The following TMEM62 variants were observed in gnomAD, a reference collection of about 807,000 sequenced individuals.
TMEM62 encodes the protein transmembrane protein 62.
TMEM62 carries 41 observed loss-of-function variants against 70.4 expected under a neutral mutation model. The observed-to-expected ratio is 0.58, with a 90% CI of 0.45 to 0.76. The LOEUF (loss-of-function observed/expected upper bound fraction) is 0.76. TMEM62 is among the 30% of genes least tolerant of loss of function. The probability of loss-of-function intolerance (pLI) is 0.00; values close to 1 mark genes in which losing one functional copy is unlikely to be tolerated. For synonymous variants in TMEM62, 268 were observed against 291.0 expected, an observed-to-expected ratio of 0.92 and a Z score of 0.80; for missense variants, 688 against 788.5, an observed-to-expected ratio of 0.87 and a Z score of 1.53.
chr15:43,171,741 C>T (rs2040223513), intron 11 of TMEM62, among the ~76,000 whole-genome samples: 2 of 151,170 alleles, frequency 1.3e-5, no homozygotes, highest in Admixed American at 6.6e-5. Flanking sequence ...CATTCTCCTG[C>T]CTCAGCCTCC....
At chr15:43,163,546 G>C (rs989699943) in intron 10 of TMEM62, among the ~76,000 whole-genome samples, 3 of 152,108 alleles carry the variant, frequency 2.0e-5, no homozygotes, top group Admixed American at 1.3e-4. Flanking sequence ...ACTTTGGGAG[G>C]CTGAGGCGGG....
At chr15:43,162,433 C>CTTTTTTTTTTTTTTTTT (rs1169921008) in intron 10 of TMEM62, among the ~76,000 whole-genome samples, 1,554 of 136,652 alleles carry the variant, frequency 0.011, 83 homozygotes, top group African/African-American at 0.043. Context: ...GCCCCTGGCC[C>CTTTTTTTTTTTTTTTTT]TTTTTTTTTT....
chr15:43,181,340 G>C, intron 13 of TMEM62, 41 bp downstream of exon 13: 1 of 1,291,286 alleles, frequency 7.7e-7, no homozygotes, highest in Non-Finnish European at 1.1e-6. Flanking sequence ...TCTTGGACTT[G>C]TCAGACTAAT....
chr15:43,178,827 A>G (rs1567242855), intron 12 of TMEM62, 116 bp downstream of exon 12: 3 of 548,522 alleles, frequency 5.5e-6, no homozygotes, highest in Non-Finnish European at 3.1e-6. Flanking sequence ...TTCATAAATC[A>G]TTTTCTGGGA....
chr15:43,134,711 C>G (rs1474641522), intron 2 of TMEM62, among the ~76,000 whole-genome samples: 1 of 152,176 alleles, frequency 6.6e-6, no homozygotes, highest in Non-Finnish European at 1.5e-5. Flanking sequence ...AAGCCTGTAA[C>G]CACGAATCAG....
chr15:43,146,379 G>A (rs770221423), intron 4 of TMEM62, 114 bp from the exon 5 acceptor site: 140 of 1,002,236 alleles, frequency 1.4e-4, no homozygotes, highest in Middle Eastern at 6.6e-4. Flanking sequence ...GTATATTTCT[G>A]TCAGATCAGC....
At chr15:43,172,999 G>A (rs1241824404) in intron 11 of TMEM62, among the ~76,000 whole-genome samples, 1 of 152,110 alleles carries the variant, frequency 6.6e-6, no homozygotes. Context: ...AGGCCAAGGT[G>A]GATGGATCAC....
At chr15:43,154,477 A>C (rs764912440) in intron 8 of TMEM62, among the ~76,000 whole-genome samples, 195 bp from the exon 9 acceptor site, 16 of 152,208 alleles carry the variant, frequency 1.1e-4, no homozygotes, top group Non-Finnish European at 2.1e-4. Flanking sequence ...TTACCAGTTC[A>C]GTTTTGCTAA....
chr15:43,169,806 G>C (rs993860409), intron 11 of TMEM62, 129 bp downstream of exon 11: 2 of 701,238 alleles, frequency 2.9e-6, no homozygotes, highest in African/African-American at 3.6e-5. Flanking sequence ...ACAAACTCAA[G>C]AAGCCTTGAG....
intron 4 of TMEM62, among the ~76,000 whole-genome samples, chr15:43,142,012 CCTT>C: frequency 6.6e-6 from 1 of 152,260 alleles, no homozygotes; most frequent in Middle Eastern, 3.4e-3. Context: ...GGAATCTACT[CCTT>C]CTAAATATGG....
At position 43,133,683 on chromosome 15, in the gene TMEM62, C is replaced by T. The variant is rs969043318; in HGVS notation, c.-120C>T. The T allele has an allele frequency of 1.5e-5, 11 of 721,554 alleles. No individual in the cohort carries two copies. Among genetic ancestry groups the T allele is most frequent in the African/African-American group, 1.8e-5 (1 of 54,214 alleles). 44.7% of individuals were successfully genotyped at this position (721,554 alleles called of 1,614,324 possible). ...CTCCAGCCCCGCATCCGGCGCCGGCCCCGCATCCAGCTCTGGCCCTGCGAC... is the reference window on the plus strand; with the variant it reads ...CTCCAGCCCCGCATCCGGCGCCGGCTCCGCATCCAGCTCTGGCCCTGCGAC... On this transcript the variant is annotated 5_prime_UTR_variant, in exon 1 of 14. Coordinates refer to ENST00000260403, the MANE Select transcript of TMEM62 (RefSeq NM_024956.4).
rs1167665142 is a variant in TMEM62, at chr15:43,160,763, C to T, written c.1265C>T (p.Ser422Leu). ...CATCTCAGTTTTGATCCCCTGGCAT[C>T]ATTTATTCTCCGTACTGATCACTAC... ...NNHLSFDPLASFILRTDHYIM... is the reference protein window; with the variant it reads ...NNHLSFDPLALFILRTDHYIM... Residue 422 changes from serine (S) to leucine (L), a missense_variant, in exon 10 of 14, where the codon TCA (serine) becomes TTA (leucine). Coordinates refer to ENST00000260403, the MANE Select transcript of TMEM62 (RefSeq NM_024956.4). 6.2e-7 allele frequency: 1 copy of T among 1,610,218 alleles called. No individual in the cohort carries two copies. Among genetic ancestry groups the T allele is most frequent in the South Asian group, 1.1e-5 (1 of 90,890 alleles).
intron 13 of TMEM62, 159 bp from the exon 14 acceptor site, chr15:43,184,101 C>T (rs2041658766): frequency 1.6e-6 from 1 of 639,990 alleles, no homozygotes; most frequent in Non-Finnish European, 2.7e-6. Context: ...ACACAACTAG[C>T]CACAAGTCAG....
intron 11 of TMEM62, among the ~76,000 whole-genome samples, chr15:43,176,759 A>G (rs1409381542): frequency 6.6e-6 from 1 of 152,070 alleles, no homozygotes; most frequent in African/African-American, 2.4e-5. Context: ...AAAAACTGGA[A>G]AACTCTAAAA....
chr15:43,177,357 GCTGGAGAGGATGTGGAGAAATAGGAACA>G (rs1366909859), intron 11 of TMEM62, among the ~76,000 whole-genome samples: 21 of 152,198 alleles, frequency 1.4e-4, no homozygotes, highest in South Asian at 8.3e-4. Context: ...AGCAACAGGT[GCTGGAGAGGATGTGGAGAAATAGGAACA>G]CTTTTACACT....
At chr15:43,178,170 A>G (rs1327691315) in intron 11 of TMEM62, among the ~76,000 whole-genome samples, 1 of 152,078 alleles carries the variant, frequency 6.6e-6, no homozygotes, top group African/African-American at 2.4e-5. Flanking sequence ...ATTCCATAGA[A>G]AACAGAGACT....
chr15:43,148,848 T>C lies in TMEM62; in HGVS notation c.712T>C (p.Ser238Pro). The C allele has an allele frequency of 6.2e-7, 1 of 1,613,808 alleles. No individual in the cohort carries two copies. Among genetic ancestry groups the C allele is most frequent in the South Asian group, 1.1e-5 (1 of 90,880 alleles). Residue 238 changes from serine (S) to proline (P), a missense_variant, in exon 6 of 14, where the codon TCT (serine) becomes CCT (proline). Transcript: ENST00000260403. ...FGHFTTSTILSPSPGIRSIMS... is the reference protein window; with the variant it reads ...FGHFTTSTILPPSPGIRSIMS... The stretch of plus-strand genomic sequence containing the variant: ...ACACTTTACAACATCCACTATTCTT[T>C]CTCCATCACCAGGAATCCGGTCAAT...
intron 11 of TMEM62, among the ~76,000 whole-genome samples, chr15:43,170,325 C>G (rs963528546): frequency 2.6e-5 from 4 of 151,992 alleles, no homozygotes; most frequent in South Asian, 2.1e-4. Context: ...CTTTGGGGTC[C>G]CCTTGGCCAA....
At chr15:43,142,618 C>T (rs533535764) in intron 4 of TMEM62, among the ~76,000 whole-genome samples, 4 of 152,002 alleles carry the variant, frequency 2.6e-5, no homozygotes, top group African/African-American at 7.2e-5. Context: ...GATTTTGACT[C>T]GCTGAAGGCT....
Sources: allele counts gnomAD v4.1 joint callset (sites outside exome capture counted in the v4.1 genomes callset), GRCh38; gene constraint gnomAD v4.1.1; transcripts MANE v1.5; gene names NCBI Gene and HGNC (gene_info 2026-07-23, HGNC 2026-07-21).